Variants in HKDC1 observed in about 807,000 individuals in gnomAD.
HKDC1 encodes hexokinase HKDC1.
Under a neutral mutation model 96.6 loss-of-function variants are expected in HKDC1, and 66 were observed. The observed-to-expected ratio is 0.68, with a 90% CI of 0.56 to 0.84. The LOEUF is 0.84. Ranked by LOEUF, HKDC1 falls within the 40% of genes least tolerant of loss-of-function variation. The pLI is 0.00. For missense variants in HKDC1, 1,211 were observed against 1,208.1 expected (o/e 1.00, Z -0.04); for synonymous variants, 466 against 473.1 (o/e 0.98, Z 0.20).
At chr10:69,230,640 G>A (rs1225788402) in intron 2 of HKDC1, among the ~76,000 whole-genome samples, 1 of 152,136 alleles carries the variant, frequency 6.6e-6, no homozygotes, top group African/African-American at 2.4e-5. Context: ...TAGAAACAAG[G>A]TCTCCCTCCG....
At position 69,243,198 on chromosome 10, in the gene HKDC1, G is replaced by A. The variant is rs143004582; in HGVS notation, c.708G>A (p.Ala236=). ...VGVIIGTGTN[A]CYMEDMSNID... ...CTGGTTCAGGAACTGGCACCAATGC[G>A]TGTTACATGGAGGACATGAGCAACA... is the stretch of plus-strand genomic sequence containing the variant. The change falls in exon 7 of 18, where the codon GCG becomes GCA. Residue 236 remains alanine, a synonymous_variant. Coordinates refer to ENST00000354624, the MANE Select transcript of HKDC1 (RefSeq NM_025130.4). 114 of 1,614,198 alleles carry A rather than the reference G, an allele frequency of 7.1e-5. No homozygotes were observed. The highest frequency in any genetic ancestry group is 2.4e-4 in the African/African-American group (18 of 75,054).
chr10:69,223,795 G>T (rs910162955), intron 1 of HKDC1, among the ~76,000 whole-genome samples: 6 of 150,340 alleles, frequency 4.0e-5, no homozygotes, highest in Non-Finnish European at 7.4e-5. Flanking sequence ...GTGTTGGTCA[G>T]GCTGGTCTCG....
intron 14 of HKDC1, among the ~76,000 whole-genome samples, chr10:69,258,391 C>T (rs1042975798): frequency 1.3e-5 from 2 of 152,280 alleles, no homozygotes; most frequent in African/African-American, 4.8e-5. Flanking sequence ...TAGATGATTC[C>T]TCATGGTCCC....
intron 4 of HKDC1, among the ~76,000 whole-genome samples, chr10:69,233,429 A>G (rs10128247): frequency 0.47 from 70,834 of 151,856 alleles, 16,969 homozygotes; most frequent in East Asian, 0.76. Flanking sequence ...TGCTGGGCCT[A>G]CTGGAATCAG....
rs1843400537 is a variant in HKDC1 at position 69,238,566 on chromosome 10, CGGGGTTT to C, written c.496-475_496-469del. ...TAATTTTTTGTATTTTTAGTAGAGACGGGGTTTCACCTTGTTAGCCAGGATGGTCTCG... is the reference window on the plus strand; with the variant it reads ...TAATTTTTTGTATTTTTAGTAGAGACCACCTTGTTAGCCAGGATGGTCTCG... On this transcript the variant is annotated intron_variant, in intron 4 of 17. Coordinates refer to ENST00000354624, the MANE Select transcript of HKDC1 (RefSeq NM_025130.4). Among the ~76,000 whole-genome samples, 7 of 60,492 alleles carry C rather than the reference CGGGGTTT, an allele frequency of 1.2e-4. 3 individuals carry two copies. Among genetic ancestry groups the C allele is most frequent in the Non-Finnish European group, 2.2e-4 (7 of 31,614 alleles). The allele number at this position is 60,492 out of a possible 152,430, so 39.7% of individuals were successfully genotyped here.
At chr10:69,230,231 G>A (rs1432444346) in intron 2 of HKDC1, among the ~76,000 whole-genome samples, 1 of 152,176 alleles carries the variant, frequency 6.6e-6, no homozygotes, top group Non-Finnish European at 1.5e-5. Context: ...AAGGGGCATG[G>A]GAAGCATGAG....
At chr10:69,236,387 C>T (rs938627336) in intron 4 of HKDC1, among the ~76,000 whole-genome samples, 61 of 151,314 alleles carry the variant, frequency 4.0e-4, no homozygotes, top group African/African-American at 1.4e-3. Flanking sequence ...GGATTGCAGG[C>T]GTGGTGAGCC....
chr10:69,266,771 T>G lies in HKDC1; in HGVS notation c.*14T>G. ...AAGGAGAACTAGGAACCCCTGGGAT[T>G]GGACCTGATGCATCTTGGATACTGA... On this transcript the variant is annotated 3_prime_UTR_variant, in exon 18 of 18. Coordinates refer to ENST00000354624, the MANE Select transcript of HKDC1 (RefSeq NM_025130.4). 6.2e-7 allele frequency: 1 copy of G among 1,609,070 alleles called. No homozygotes were observed. Among genetic ancestry groups the G allele is most frequent in the Non-Finnish European group, 8.5e-7 (1 of 1,178,220 alleles).
intron 4 of HKDC1, among the ~76,000 whole-genome samples, chr10:69,237,780 A>G (rs1843386143): frequency 6.6e-6 from 1 of 151,334 alleles, no homozygotes; most frequent in South Asian, 2.1e-4. Context: ...TGGTGCAGGA[A>G]AAAAGCCCGA....
At chr10:69,220,744 G>A (rs1270792510) in intron 1 of HKDC1, among the ~76,000 whole-genome samples, 1 of 152,222 alleles carries the variant, frequency 6.6e-6, no homozygotes, top group African/African-American at 2.4e-5. Flanking sequence ...TGCGGAAGCG[G>A]GTGAGGAGGG....
At chr10:69,256,110 G>A (rs1035772198) in intron 12 of HKDC1, among the ~76,000 whole-genome samples, 4 of 152,096 alleles carry the variant, frequency 2.6e-5, no homozygotes, top group Non-Finnish European at 5.9e-5. Flanking sequence ...TTCTCCAAGT[G>A]CGAGTGTATA....
chr10:69,261,420 T>G, intron 16 of HKDC1, 126 bp downstream of exon 16: 1 of 811,942 alleles, frequency 1.2e-6, no homozygotes, highest in Non-Finnish European at 1.9e-6. Context: ...GATTGCCTCC[T>G]GGGGCTGCTC....
intron 4 of HKDC1, among the ~76,000 whole-genome samples, chr10:69,238,355 C>T (rs12248244): frequency 0.29 from 12,799 of 44,596 alleles, 2,449 homozygotes; most frequent in East Asian, 0.57. Context: ...ATGTATAATA[C>T]ACCAGGTATT....
In HKDC1 at chr10:69,233,073, T is replaced by G; in HGVS notation, c.435T>G (p.His145Gln). 1 of 1,614,160 alleles carries G rather than the reference T, an allele frequency of 6.2e-7. No individual in the cohort carries two copies. Among genetic ancestry groups the G allele is most frequent in the Non-Finnish European group, 8.5e-7 (1 of 1,180,044 alleles). Residue 145 changes from histidine to glutamine, a missense_variant, in exon 4 of 18, where the codon CAT becomes CAG. By Grantham distance (24) the His-to-Gln change is conservative. Coordinates refer to ENST00000354624, the MANE Select transcript of HKDC1 (RefSeq NM_025130.4). Reference protein sequence around the residue: ...ADFMKTKDLKHKKLPLGLTFS... With the variant: ...ADFMKTKDLKQKKLPLGLTFS... ...TCATGAAGACCAAAGATTTAAAGCA[T>G]AAGAAATTGCCCCTTGGCCTAACTT...
rs1195126839 is a variant in HKDC1 at position 69,238,447 on chromosome 10, G to A, written c.496-595G>A. ...TGCGGACTGCAGTGGCGCAATCTCG[G>A]CTCACTGCAAGCTCCGCTTCCCGGG... On this transcript the variant is annotated intron_variant, in intron 4 of 17. Transcript: ENST00000354624. 6.7e-5 allele frequency among the ~76,000 whole-genome samples: 2 copies of A among 29,726 alleles called. 1 individual carries two copies. The highest frequency in any genetic ancestry group is 6.0e-3 in the East Asian group (2 of 336). 19.5% of individuals were successfully genotyped at this position (29,726 alleles called of 152,430 possible).
At chr10:69,265,857 A>T in intron 17 of HKDC1, 39 bp downstream of exon 17, 126 of 1,333,384 alleles carry the variant, frequency 9.4e-5, no homozygotes, top group Middle Eastern at 1.9e-4. Context: ...GGGGCTGGGG[A>T]GGGCTGGCGG....
At chr10:69,227,141 G>C in intron 1 of HKDC1, 66 bp from the exon 2 acceptor site, 1 of 1,568,318 alleles carries the variant, frequency 6.4e-7, no homozygotes, top group Non-Finnish European at 8.8e-7. Context: ...GATGTCGGGG[G>C]TTACAGCCTC....
At chr10:69,238,981 C>T (rs996904575) in intron 4 of HKDC1, 61 bp from the exon 5 acceptor site, 84 of 1,212,868 alleles carry the variant, frequency 6.9e-5, no homozygotes, top group Non-Finnish European at 9.7e-5. Context: ...GAAGTTTCTG[C>T]GGCTCAGTTG....
In HKDC1 at chr10:69,246,770, G is replaced by A. The variant is rs754167375; in HGVS notation, c.1031+536G>A. 3.3e-5 allele frequency among the ~76,000 whole-genome samples: 5 copies of A among 152,236 alleles called. No homozygotes were observed. The South Asian group carries it at 8.3e-4, about 25-fold the overall frequency. Reference sequence around the variant, plus strand: ...CTGGCTGGTGAAGGCTGCAGGTGACGGCGGCTGGCCCCGGTGTGACTGCAT... The same window carrying A: ...CTGGCTGGTGAAGGCTGCAGGTGACAGCGGCTGGCCCCGGTGTGACTGCAT... On this transcript the variant is annotated intron_variant, in intron 8 of 17. Coordinates refer to ENST00000354624, the MANE Select transcript of HKDC1 (RefSeq NM_025130.4).
Sources: allele counts gnomAD v4.1 joint callset (sites outside exome capture counted in the v4.1 genomes callset), GRCh38; gene constraint gnomAD v4.1.1; transcripts MANE v1.5; gene names NCBI Gene and HGNC (gene_info 2026-07-23, HGNC 2026-07-21).